EYS: variants seen among roughly 807,000 people sequenced by gnomAD.
EYS encodes protein eyes shut homolog.
A neutral mutation model predicts 282.1 loss-of-function variants in EYS; 250 were observed. The observed-to-expected ratio is 0.89, with a 90% CI of 0.80 to 0.98. EYS has a LOEUF of 0.98. Ranked by LOEUF, EYS falls within the 50% of genes least tolerant of loss-of-function variation. The pLI, the probability that EYS is intolerant of heterozygous loss-of-function variation, is 0.00. For missense variants in EYS, 4,016 were observed against 3,709.0 expected, an observed-to-expected ratio of 1.08 and a Z score of -2.15; for synonymous variants, 1,355 against 1,282.9, an observed-to-expected ratio of 1.06 and a Z score of -1.20.
chr6:64,647,844 T>C (rs1315735429), intron 22 of EYS, among the ~76,000 whole-genome samples: 2 of 152,206 alleles, frequency 1.3e-5, no homozygotes, highest in Non-Finnish European at 2.9e-5. Context: ...TTTGCTTATT[T>C]AACCTCCAGT....
chr6:64,141,518 A>T (rs571415276), intron 31 of EYS, among the ~76,000 whole-genome samples: 60 of 146,612 alleles, frequency 4.1e-4, no homozygotes, highest in African/African-American at 1.6e-3. Context: ...TTTTATTTTT[A>T]TTTTTTTGCC....
intron 2 of EYS, among the ~76,000 whole-genome samples, chr6:65,626,690 G>A (rs941407632): frequency 1.5e-4 from 23 of 152,236 alleles, no homozygotes; most frequent in African/African-American, 3.1e-4. Context: ...ATGGAGTAAA[G>A]AGGTCAAAAG....
intron 29 of EYS, among the ~76,000 whole-genome samples, chr6:64,380,535 T>C (rs1582675192): frequency 6.6e-6 from 1 of 152,186 alleles, no homozygotes; most frequent in Non-Finnish European, 1.5e-5. Context: ...AATTTCCTCA[T>C]ATTTATTGCC....
At chr6:64,766,939 GA>G (rs1253086815) in intron 22 of EYS, among the ~76,000 whole-genome samples, 22 of 151,408 alleles carry the variant, frequency 1.5e-4, no homozygotes, top group African/African-American at 5.3e-4. Context: ...AAGAAAAACT[GA>G]AAAGAAGTCA....
chr6:64,844,232 A>G (rs765688301), intron 19 of EYS, among the ~76,000 whole-genome samples: 2 of 152,146 alleles, frequency 1.3e-5, no homozygotes, highest in South Asian at 2.1e-4. Context: ...TTAGATTAGT[A>G]TAAAGCAATT....
At chr6:65,619,347 C>G (rs574573492) in intron 2 of EYS, among the ~76,000 whole-genome samples, 2 of 152,038 alleles carry the variant, frequency 1.3e-5, no homozygotes, top group East Asian at 3.9e-4. Context: ...TGATTTGCCT[C>G]TCTGTTTGTC....
At chr6:63,722,182 C>T (rs1198041882) in intron 42 of EYS, among the ~76,000 whole-genome samples, 1 of 152,130 alleles carries the variant, frequency 6.6e-6, no homozygotes, top group Non-Finnish European at 1.5e-5. Context: ...CCTGTCTCTC[C>T]AACCTTACCT....
chr6:65,445,451 C>CA (rs1400915922), intron 5 of EYS, among the ~76,000 whole-genome samples: 2 of 151,302 alleles, frequency 1.3e-5, no homozygotes, highest in Non-Finnish European at 3.0e-5. Context: ...TTTTTTTAAA[C>CA]AAAAAAGCAT....
chr6:64,467,503 G>A (rs1001628957), intron 26 of EYS, among the ~76,000 whole-genome samples: 11 of 152,144 alleles, frequency 7.2e-5, no homozygotes, highest in Non-Finnish European at 1.6e-4. Flanking sequence ...ATTCTAATGA[G>A]TTGATCAAAA....
chr6:64,492,327 T>C (rs2150506547), intron 26 of EYS, among the ~76,000 whole-genome samples: 1 of 151,360 alleles, frequency 6.6e-6, no homozygotes, highest in East Asian at 1.9e-4. Context: ...CATACATTTG[T>C]AGACATTTTT....
chr6:65,232,617 T>G (rs1766812845), intron 12 of EYS, among the ~76,000 whole-genome samples: 1 of 152,130 alleles, frequency 6.6e-6, no homozygotes, highest in Non-Finnish European at 1.5e-5. Context: ...CAGCTTAAGA[T>G]CTGGCATTTG....
chr6:64,928,539 A>G (rs540751729), intron 15 of EYS, among the ~76,000 whole-genome samples: 86 of 152,234 alleles, frequency 5.6e-4, no homozygotes, highest in African/African-American at 2.0e-3. Context: ...CCATTGCTGA[A>G]TATGTCTGCA....
At chr6:64,014,510 T>A (rs2149814121) in intron 33 of EYS, among the ~76,000 whole-genome samples, 1 of 152,294 alleles carries the variant, frequency 6.6e-6, no homozygotes, top group African/African-American at 2.4e-5. Flanking sequence ...CTGTATTATG[T>A]TTAATCCAGT....
intron 12 of EYS, among the ~76,000 whole-genome samples, chr6:65,290,393 TTA>T (rs1768490986): frequency 6.6e-6 from 1 of 151,196 alleles, no homozygotes; most frequent in African/African-American, 2.4e-5. Context: ...GATTTTGATT[TTA>T]TGACTATATT....
chr6:65,649,878 A>C (rs1191307028), intron 1 of EYS, among the ~76,000 whole-genome samples: 2 of 152,196 alleles, frequency 1.3e-5, no homozygotes, highest in African/African-American at 4.8e-5. Context: ...TTTAATTTAC[A>C]TAGAAACATA....
chr6:65,075,680 T>C (rs949149664), intron 12 of EYS, among the ~76,000 whole-genome samples: 7 of 151,706 alleles, frequency 4.6e-5, no homozygotes, highest in Non-Finnish European at 8.8e-5. Context: ...AGTTCCTGCA[T>C]CTATGGTAAA....
At chr6:64,932,892 G>A (rs1475749850) in intron 15 of EYS, among the ~76,000 whole-genome samples, 1 of 151,928 alleles carries the variant, frequency 6.6e-6, no homozygotes, top group Non-Finnish European at 1.5e-5. Context: ...TAGACAAATA[G>A]TAGAAACAAC....
intron 39 of EYS, among the ~76,000 whole-genome samples, chr6:63,783,929 G>A (rs1171003372): frequency 1.3e-5 from 2 of 152,038 alleles, no homozygotes; most frequent in Non-Finnish European, 2.9e-5. Flanking sequence ...TGATAAACTG[G>A]GTAAAGCAGA....
chr6:64,146,446 G>GA (rs1774522001), intron 31 of EYS, among the ~76,000 whole-genome samples: 1 of 152,118 alleles, frequency 6.6e-6, no homozygotes, highest in African/African-American at 2.4e-5. Context: ...AGTTTGGCTT[G>GA]TCCCAAAGCA....
Sources: gnomAD v4.1 joint callset for allele counts (sites outside exome capture counted in the v4.1 genomes callset) on GRCh38, gnomAD v4.1.1 for gene constraint, MANE v1.5 for transcripts, NCBI Gene and HGNC (gene_info 2026-07-23, HGNC 2026-07-21) for gene names.